Variants in CCSER1 observed in about 807,000 individuals in gnomAD.
CCSER1 encodes the protein serine-rich coiled-coil domain-containing protein 1.
Under a neutral mutation model 82.0 loss-of-function variants are expected in CCSER1, and 41 were observed. The observed-to-expected ratio is 0.50, with a 90% CI of 0.39 to 0.65. CCSER1 has a LOEUF of 0.65. CCSER1 is among the 30% of genes least tolerant of loss of function. The probability of loss-of-function intolerance (pLI) is 0.00; values close to 1 mark genes in which losing one functional copy is unlikely to be tolerated. For synonymous variants in CCSER1, 414 were observed against 383.9 expected (o/e 1.08, Z -0.92); for missense variants, 1,119 against 1,064.2 (o/e 1.05, Z -0.72).
chr4:90,511,455 C>T (rs185728303), intron 5 of CCSER1, among the ~76,000 whole-genome samples: 135 of 152,188 alleles, frequency 8.9e-4, no homozygotes, highest in Non-Finnish European at 1.5e-3. Context: ...GTAACTTCAA[C>T]ACAGCTTTAC....
intron 8 of CCSER1, among the ~76,000 whole-genome samples, chr4:90,900,934 CTAG>C (rs149201449): frequency 6.6e-6 from 1 of 151,812 alleles, no homozygotes; most frequent in East Asian, 1.9e-4. Context: ...ATCTCTTGGT[CTAG>C]TAGTATTTGT....
At chr4:90,305,067 C>T (rs1234911584) in intron 1 of CCSER1, among the ~76,000 whole-genome samples, 1 of 151,996 alleles carries the variant, frequency 6.6e-6, no homozygotes, top group African/African-American at 2.4e-5. Context: ...CAGGCGCCCA[C>T]CACCATGCCT....
intron 10 of CCSER1, among the ~76,000 whole-genome samples, chr4:91,403,933 C>G (rs1233911828): frequency 6.6e-6 from 1 of 152,168 alleles, no homozygotes; most frequent in Admixed American, 6.6e-5. Flanking sequence ...GGAGGATTCC[C>G]TCTTTTCCTA....
chr4:90,778,525 C>T (rs1431324873), intron 7 of CCSER1, among the ~76,000 whole-genome samples: 25 of 86,854 alleles, frequency 2.9e-4, no homozygotes. Context: ...GAATGCATTT[C>T]TTAAAAAAAA....
At position 91,517,445 on chromosome 4, in the gene CCSER1, A is replaced by T. The variant is rs143304058; in HGVS notation, c.2218-81127A>T. On this transcript the variant is annotated intron_variant, in intron 10 of 10. Transcript: ENST00000509176. ...GAAAACTTTTTCTGCATCTATTTAG[A>T]TAATCATGTGTATTTTGTCTTTAGT... Among the ~76,000 whole-genome samples the T allele has an allele frequency of 1.7e-3, 261 of 152,264 alleles. 3 individuals are homozygous for T. The highest frequency in any genetic ancestry group is 6.0e-3 in the African/African-American group (248 of 41,562).
intron 5 of CCSER1, among the ~76,000 whole-genome samples, chr4:90,531,509 A>G (rs922977676): frequency 2.6e-5 from 4 of 151,476 alleles, no homozygotes; most frequent in African/African-American, 9.7e-5. Context: ...TTACAAGTCC[A>G]TTTAGCAAAC....
intron 7 of CCSER1, among the ~76,000 whole-genome samples, chr4:90,775,722 C>G (rs1752806640): frequency 6.6e-6 from 1 of 152,054 alleles, no homozygotes; most frequent in East Asian, 1.9e-4. Flanking sequence ...AAATTGTTAT[C>G]CACATTTATA....
chr4:90,868,325 C>G lies in CCSER1; in HGVS notation c.2094+52480C>G, dbSNP rs998867393. Among the ~76,000 whole-genome samples, 8 of 151,966 alleles carry G rather than the reference C, an allele frequency of 5.3e-5. No individual in the cohort carries two copies. In the South Asian group the frequency reaches 1.7e-3, roughly 32 times the overall value. ...CTACTTTTTGTACTTACTAAACATC[C>G]CTTTTTCCCCCACCACTCCCACCTT... On this transcript the variant is annotated intron_variant, in intron 8 of 10. Transcript: ENST00000509176.
At chr4:90,352,064 C>T (rs957273541) in intron 3 of CCSER1, among the ~76,000 whole-genome samples, 4 of 152,206 alleles carry the variant, frequency 2.6e-5, no homozygotes, top group African/African-American at 7.2e-5. Flanking sequence ...GCGGCTCACG[C>T]CTGTAATCCC....
intron 7 of CCSER1, among the ~76,000 whole-genome samples, chr4:90,745,454 A>C (rs1747253614): frequency 6.6e-6 from 1 of 152,106 alleles, no homozygotes; most frequent in African/African-American, 2.4e-5. Context: ...TATCTGTCGA[A>C]TGGGGCGGGA....
Position 91,160,755 on chromosome 4 carries a change from GT to G in CCSER1, c.2217+74769del, listed in dbSNP as rs576500992. Among the ~76,000 whole-genome samples the G allele has an allele frequency of 1.5e-4, 22 of 150,434 alleles. 1 individual carries two copies. Among genetic ancestry groups the G allele is most frequent in the Non-Finnish European group, 2.2e-4 (15 of 67,554 alleles). On this transcript the variant is annotated intron_variant, in intron 10 of 10. Transcript: ENST00000509176. ...TTTTGATGTTGTTGTTGTTGTTGTT[GT>G]TTTTTTTGTAAATTTGTTTAAGTTC...
chr4:90,651,065 G>A (rs1008022185), intron 6 of CCSER1, among the ~76,000 whole-genome samples: 1 of 152,084 alleles, frequency 6.6e-6, no homozygotes, highest in Non-Finnish European at 1.5e-5. Flanking sequence ...AATAGTAGAT[G>A]AGAAAGGCTA....
At chr4:90,814,488 T>C (rs1053402660) in intron 7 of CCSER1, among the ~76,000 whole-genome samples, 2 of 152,240 alleles carry the variant, frequency 1.3e-5, no homozygotes, top group Non-Finnish European at 2.9e-5. Flanking sequence ...TTCTACCTCA[T>C]GGTCAGGCTG....
chr4:90,640,219 G>A (rs1726235453), intron 6 of CCSER1, among the ~76,000 whole-genome samples: 1 of 152,060 alleles, frequency 6.6e-6, no homozygotes, highest in South Asian at 2.1e-4. Context: ...GATAGTCAAA[G>A]CCTAGAATAG....
intron 8 of CCSER1, among the ~76,000 whole-genome samples, chr4:90,822,166 G>A (rs970471900): frequency 2.6e-5 from 4 of 152,266 alleles, no homozygotes; most frequent in Admixed American, 2.6e-4. Context: ...GTGAAGAGAA[G>A]AATTTAATTG....
chr4:91,260,789 C>T (rs373990054), intron 10 of CCSER1, among the ~76,000 whole-genome samples: 53 of 151,832 alleles, frequency 3.5e-4, no homozygotes, highest in African/African-American at 1.2e-3. Context: ...GAGAGGGAGT[C>T]TCACTCAGTC....
chr4:90,264,304 C>G (rs1230434840), intron 1 of CCSER1, among the ~76,000 whole-genome samples: 3 of 152,078 alleles, frequency 2.0e-5, no homozygotes, highest in Non-Finnish European at 2.9e-5. Flanking sequence ...ACATGTTCTG[C>G]TTTGGAATTT....
intron 1 of CCSER1, among the ~76,000 whole-genome samples, chr4:90,258,652 T>TATG (rs149359460): frequency 0.045 from 6,808 of 152,292 alleles, 390 homozygotes; most frequent in African/African-American, 0.13. Flanking sequence ...AATGATTTGA[T>TATG]TTTCTAGCCA....
At chr4:90,536,545 G>A (rs764544159) in intron 5 of CCSER1, among the ~76,000 whole-genome samples, 36 of 152,184 alleles carry the variant, frequency 2.4e-4, no homozygotes, top group Non-Finnish European at 4.9e-4. Flanking sequence ...ATTCAAGTGT[G>A]TGGCAACTGT....
Sources: gnomAD v4.1 joint callset for allele counts (sites outside exome capture counted in the v4.1 genomes callset) on GRCh38, gnomAD v4.1.1 for gene constraint, MANE v1.5 for transcripts, NCBI Gene and HGNC (gene_info 2026-07-23, HGNC 2026-07-21) for gene names.